Variants in SLC24A2 observed in about 807,000 individuals in gnomAD.
SLC24A2 encodes sodium/potassium/calcium exchanger 2.
A neutral mutation model predicts 62.0 loss-of-function variants in SLC24A2; 36 were observed. That is an observed-to-expected ratio of 0.58 (90% CI 0.44 to 0.77). The LOEUF (loss-of-function observed/expected upper bound fraction) is 0.77. Among genes scored for constraint, SLC24A2 ranks in the 30% least tolerant of loss-of-function variants. The pLI is 0.00. For synonymous variants in SLC24A2, 358 were observed against 294.0 expected (o/e 1.22, Z -2.23); for missense variants, 846 against 817.9 (o/e 1.03, Z -0.42).
chr9:19,570,558 AT>A (rs1835808855), intron 7 of SLC24A2, among the ~76,000 whole-genome samples: 1 of 152,192 alleles, frequency 6.6e-6, no homozygotes, highest in African/African-American at 2.4e-5. Context: ...ACATAAAACC[AT>A]TTCACTTTAC....
At chr9:19,906,600 AAG>A in the SLC24A2 span, among the ~76,000 whole-genome samples, 1 of 152,198 alleles carries the variant, frequency 6.6e-6, no homozygotes, top group East Asian at 1.9e-4. Context: ...TAAAGAAGAA[AAG>A]AGAGAAGAAT....
At chr9:19,524,602 T>C (rs948812842) in intron 9 of SLC24A2, among the ~76,000 whole-genome samples, 4 of 152,196 alleles carry the variant, frequency 2.6e-5, no homozygotes, top group African/African-American at 9.6e-5. Context: ...ACAACAGAAT[T>C]AGAGCTAGAC....
chr9:19,592,339 T>C (rs1182389870), intron 5 of SLC24A2, among the ~76,000 whole-genome samples: 1 of 152,200 alleles, frequency 6.6e-6, no homozygotes, highest in African/African-American at 2.4e-5. Context: ...TGAACAAGGA[T>C]TGACTTTTTA....
At chr9:19,763,421 T>G (rs1431577316) in intron 2 of SLC24A2, among the ~76,000 whole-genome samples, 1 of 152,224 alleles carries the variant, frequency 6.6e-6, no homozygotes, top group East Asian at 1.9e-4. Flanking sequence ...GCTTCCAGCT[T>G]TTGTCCATTC....
At chr9:19,929,434 C>T in the SLC24A2 span, 1 of 152,146 alleles carries the variant, frequency 6.6e-6, no homozygotes, top group Non-Finnish European at 1.5e-5. Context: ...TTTCAGTCAA[C>T]AACAGATCAA....
the SLC24A2 span, among the ~76,000 whole-genome samples, chr9:19,810,101 G>A: frequency 6.6e-6 from 1 of 152,286 alleles, no homozygotes; most frequent in East Asian, 1.9e-4. Context: ...AAGCAGCAAA[G>A]AGAAATTTAA....
the SLC24A2 span, among the ~76,000 whole-genome samples, chr9:20,146,523 C>T: frequency 6.6e-6 from 1 of 152,130 alleles, no homozygotes; most frequent in Non-Finnish European, 1.5e-5. Context: ...CCCCAAAGAT[C>T]TAACTTGAGA....
At position 19,544,811 on chromosome 9, in the gene SLC24A2, G is replaced by A. The variant is rs1180970741; in HGVS notation, c.1479+5326C>T. ...GAGAGATCTGCTGTTGGTCTGATGG[G>A]CTTCCCTTTGTGGGTAACCTGACCT... On this transcript the variant is annotated intron_variant, in intron 8 of 10. Transcript: ENST00000341998. 4.6e-5 allele frequency among the ~76,000 whole-genome samples: 7 copies of A among 152,264 alleles called. No individual in the cohort carries two copies. The East Asian group carries it at 1.2e-3, about 25-fold the overall frequency.
the SLC24A2 span, among the ~76,000 whole-genome samples, chr9:20,031,562 T>G: frequency 1.3e-5 from 2 of 152,042 alleles, no homozygotes; most frequent in South Asian, 4.1e-4. Context: ...GAGAGAAGGA[T>G]GTACTTTTTT....
chr9:20,156,466 C>G, the SLC24A2 span, among the ~76,000 whole-genome samples: 1 of 151,702 alleles, frequency 6.6e-6, no homozygotes, highest in Non-Finnish European at 1.5e-5. Context: ...CCTCATCTCT[C>G]TAGTCTATTG....
the SLC24A2 span, among the ~76,000 whole-genome samples, chr9:20,058,492 T>TACACACACACACACACACACACACAC: frequency 4.8e-4 from 71 of 147,896 alleles, no homozygotes; most frequent in African/African-American, 1.3e-3. Flanking sequence ...ATGCCCTTCA[T>TACACACACACACACACACACACACAC]ACACACACAC....
the SLC24A2 span, among the ~76,000 whole-genome samples, chr9:19,867,477 G>A: frequency 1.4e-4 from 22 of 152,156 alleles, no homozygotes; most frequent in East Asian, 1.7e-3. Context: ...TACAATTGTC[G>A]TAATATTCCT....
the SLC24A2 span, among the ~76,000 whole-genome samples, chr9:20,075,665 G>C: frequency 4.7e-5 from 7 of 148,978 alleles, no homozygotes; most frequent in East Asian, 1.4e-3. Context: ...ATCTCTGTTT[G>C]TTAGCATTCT....
the SLC24A2 span, among the ~76,000 whole-genome samples, chr9:19,877,672 T>C: frequency 2.6e-5 from 4 of 151,644 alleles, no homozygotes; most frequent in Admixed American, 6.6e-5. Context: ...CTGTGGCAGA[T>C]GGAAGCTTTC....
chr9:20,037,415 A>C, the SLC24A2 span, among the ~76,000 whole-genome samples: 1 of 152,198 alleles, frequency 6.6e-6, no homozygotes, highest in African/African-American at 2.4e-5. Flanking sequence ...CTGACTGTAT[A>C]TGACATTTGC....
At chr9:20,056,169 T>C in the SLC24A2 span, among the ~76,000 whole-genome samples, 1 of 152,344 alleles carries the variant, frequency 6.6e-6, no homozygotes, top group South Asian at 2.1e-4. Context: ...GAGCCTGGCA[T>C]TTGCTGATAG....
chr9:19,654,928 C>T (rs1818903354), intron 2 of SLC24A2, among the ~76,000 whole-genome samples: 1 of 152,184 alleles, frequency 6.6e-6, no homozygotes, highest in African/African-American at 2.4e-5. Context: ...TGTGAGTGAT[C>T]ATGCCCTCAT....
At chr9:20,053,340 T>C in the SLC24A2 span, among the ~76,000 whole-genome samples, 2 of 152,174 alleles carry the variant, frequency 1.3e-5, no homozygotes, top group East Asian at 1.9e-4. Flanking sequence ...AGTGCCACAA[T>C]AGAGGGGCAT....
the SLC24A2 span, among the ~76,000 whole-genome samples, chr9:20,249,866 C>G: frequency 4.6e-5 from 7 of 152,254 alleles, no homozygotes; most frequent in South Asian, 1.0e-3. Flanking sequence ...ACCTCTTACA[C>G]CCAGAAAATA....
Sources: allele counts gnomAD v4.1 joint callset (sites outside exome capture counted in the v4.1 genomes callset), GRCh38; gene constraint gnomAD v4.1.1; transcripts MANE v1.5; gene names NCBI Gene and HGNC (gene_info 2026-07-23, HGNC 2026-07-21).